The following SLC36A1 variants were observed in gnomAD, a reference collection of about 807,000 sequenced individuals.
SLC36A1 encodes proton-coupled amino acid transporter 1.
A neutral mutation model predicts 47.5 loss-of-function variants in SLC36A1; 30 were observed. The ratio of observed to expected loss-of-function variants is 0.63; its 90% CI spans 0.47 to 0.86. The LOEUF (loss-of-function observed/expected upper bound fraction) is 0.86, where lower values mean the gene tolerates loss of function less well. Among genes scored for constraint, SLC36A1 ranks in the 40% least tolerant of loss-of-function variants. The pLI is 0.00. For missense variants in SLC36A1, 517 were observed against 606.0 expected (o/e 0.85, Z 1.54); for synonymous variants, 255 against 249.7 (o/e 1.02, Z -0.20).
upstream of SLC36A1, among the ~76,000 whole-genome samples, chr5:151,434,942 A>G (rs73285663): frequency 6.5e-3 from 995 of 152,348 alleles, 15 homozygotes; most frequent in East Asian, 0.027. Context: ...GCCCAAACTG[A>G]CTAAGGCAAC....
At chr5:151,351,540 T>G in the SLC36A1 span, among the ~76,000 whole-genome samples, 1 of 152,146 alleles carries the variant, frequency 6.6e-6, no homozygotes, top group African/African-American at 2.4e-5. Context: ...AGTGGCTTCT[T>G]CTGGTGAACG....
chr5:151,398,251 A>G, the SLC36A1 span, among the ~76,000 whole-genome samples: 4 of 152,176 alleles, frequency 2.6e-5, no homozygotes, highest in African/African-American at 9.7e-5. Context: ...TATCATCATT[A>G]TTATAATTTT....
At chr5:151,383,896 A>G in the SLC36A1 span, among the ~76,000 whole-genome samples, 3 of 152,136 alleles carry the variant, frequency 2.0e-5, no homozygotes, top group Non-Finnish European at 4.4e-5. Context: ...TTTTTCAGCA[A>G]CATGTTACTT....
the SLC36A1 span, chr5:151,545,775 G>A: frequency 3.1e-6 from 5 of 1,614,016 alleles, no homozygotes; most frequent in Non-Finnish European, 4.2e-6. Flanking sequence ...GAATCACAAA[G>A]GGGTTGTTGT....
At chr5:151,541,563 G>T in the SLC36A1 span, among the ~76,000 whole-genome samples, 1 of 152,206 alleles carries the variant, frequency 6.6e-6, no homozygotes, top group Non-Finnish European at 1.5e-5. Flanking sequence ...CATGGGAATG[G>T]GGGGACATGG....
intron 1 of SLC36A1, chr5:151,451,128 G>T (rs1325237438): frequency 6.6e-6 from 1 of 152,304 alleles, no homozygotes; most frequent in South Asian, 2.1e-4. Flanking sequence ...TGCATTTGGG[G>T]TTGTCTCTTC....
the SLC36A1 span, chr5:151,522,130 T>C: frequency 6.8e-7 from 1 of 1,460,846 alleles, no homozygotes; most frequent in East Asian, 2.4e-5. Flanking sequence ...AGAACTGCAG[T>C]GCTCTTGCGC....
rs1188862543 is a variant in SLC36A1 at position 151,490,770 on chromosome 5, G to T, written c.*2516G>T. 4 of 152,198 alleles carry T rather than the reference G, an allele frequency of 2.6e-5. No individual in the cohort carries two copies. Among genetic ancestry groups the T allele is most frequent in the African/African-American group, 9.7e-5 (4 of 41,444 alleles). 9.4% of individuals were successfully genotyped at this position (152,198 alleles called of 1,614,324 possible). Reference sequence around the variant, plus strand: ...CCAGCCAGAGGACCTTCCTGGCTATGCAGGTGCACAGCTCTTAGGCATCAA... The same window carrying T: ...CCAGCCAGAGGACCTTCCTGGCTATTCAGGTGCACAGCTCTTAGGCATCAA... On this transcript the variant is annotated 3_prime_UTR_variant, in exon 11 of 11. Coordinates refer to ENST00000243389, the MANE Select transcript of SLC36A1 (RefSeq NM_078483.4).
At chr5:151,417,052 C>A in the SLC36A1 span, among the ~76,000 whole-genome samples, 1 of 152,210 alleles carries the variant, frequency 6.6e-6, no homozygotes, top group Admixed American at 6.5e-5. Flanking sequence ...CCCAACCATG[C>A]TGAACTGTGA....
the SLC36A1 span, among the ~76,000 whole-genome samples, chr5:151,548,631 T>C: frequency 9.7e-3 from 1,473 of 152,216 alleles, 21 homozygotes; most frequent in African/African-American, 0.034. Flanking sequence ...CAGGTGCATG[T>C]CACCATGCCA....
At chr5:151,348,839 T>G in the SLC36A1 span, among the ~76,000 whole-genome samples, 32 of 152,160 alleles carry the variant, frequency 2.1e-4, no homozygotes, top group African/African-American at 5.6e-4. Flanking sequence ...TTTTTTTGGT[T>G]GTTGTTGTTT....
At position 151,448,342 on chromosome 5, in the gene SLC36A1, G is replaced by A. The variant is rs369745547; in HGVS notation, c.-6+529G>A. Among the ~76,000 whole-genome samples the A allele has an allele frequency of 1.6e-4, 25 of 152,330 alleles. 1 individual carries two copies. The highest frequency in any genetic ancestry group is 6.0e-4 in the African/African-American group (25 of 41,582). ...TTTGCTTTTCGCCACACCGCCTCCTGCGGGAAACTTCACCTGTGAAAAGGC... is the reference window on the plus strand; with the variant it reads ...TTTGCTTTTCGCCACACCGCCTCCTACGGGAAACTTCACCTGTGAAAAGGC... On this transcript the variant is annotated intron_variant, in intron 1 of 10. Coordinates refer to ENST00000243389, the MANE Select transcript of SLC36A1 (RefSeq NM_078483.4).
the SLC36A1 span, chr5:151,521,366 G>C: frequency 6.2e-7 from 1 of 1,614,250 alleles, no homozygotes; most frequent in Non-Finnish European, 8.5e-7. Flanking sequence ...TTGGGGTCCA[G>C]ATGCACTGTG....
upstream of SLC36A1, among the ~76,000 whole-genome samples, chr5:151,432,494 G>A (rs1420230996): frequency 6.6e-6 from 1 of 152,102 alleles, no homozygotes; most frequent in Non-Finnish European, 1.5e-5. Flanking sequence ...GTCAGGAGAG[G>A]GTAGGCATCC....
At chr5:151,380,890 G>A in the SLC36A1 span, 1 of 426,410 alleles carries the variant, frequency 2.3e-6, no homozygotes, top group South Asian at 1.9e-5. Context: ...AAGTCCAAGG[G>A]ACGGGGCTGC....
the SLC36A1 span, among the ~76,000 whole-genome samples, chr5:151,532,280 T>C: frequency 4.1e-4 from 62 of 152,228 alleles, no homozygotes; most frequent in Non-Finnish European, 8.5e-4. Context: ...AAACCACCCA[T>C]AGAGAGTTCC....
At position 151,467,821 on chromosome 5, in the gene SLC36A1, C is replaced by T; in HGVS notation, c.619C>T (p.Leu207=). The part of the protein sequence containing the change: ...YMLSFLPFLV[L]LVFIRNLRAL... ...GCTCTCCTTCCTGCCCTTCCTGGTG[C>T]TGCTGGTTTTCATCAGGAACCTCCG... The change falls in exon 7 of 11, where the codon CTG becomes TTG. Residue 207 remains leucine (L), a synonymous_variant. Transcript: ENST00000243389. 4 of 1,614,036 alleles carry T rather than the reference C, an allele frequency of 2.5e-6. No individual in the cohort carries two copies. Among genetic ancestry groups the T allele is most frequent in the Non-Finnish European group, 3.4e-6 (4 of 1,179,992 alleles).
chr5:151,438,421 G>T (rs755046662), intron 1 of SLC36A1, among the ~76,000 whole-genome samples: 1 of 151,858 alleles, frequency 6.6e-6, no homozygotes, highest in Non-Finnish European at 1.5e-5. Context: ...CACCTCAGGT[G>T]CTCTAGCTAC....
the SLC36A1 span, among the ~76,000 whole-genome samples, chr5:151,346,983 C>T: frequency 6.6e-6 from 1 of 152,140 alleles, no homozygotes; most frequent in African/African-American, 2.4e-5. Flanking sequence ...TGGCCAGGAA[C>T]AAAAATGTGG....
Sources: allele counts gnomAD v4.1 joint callset (sites outside exome capture counted in the v4.1 genomes callset), GRCh38; gene constraint gnomAD v4.1.1; transcripts MANE v1.5; gene names NCBI Gene and HGNC (gene_info 2026-07-23, HGNC 2026-07-21).